The following FSHR variants were observed in gnomAD, a reference collection of about 807,000 sequenced individuals.
FSHR encodes the protein follicle-stimulating hormone receptor.
A neutral mutation model predicts 52.1 loss-of-function variants in FSHR; 46 were observed. The observed-to-expected ratio is 0.88, with a 90% CI of 0.70 to 1.13. The LOEUF is 1.13. Ranked by LOEUF, FSHR falls within the 50% of genes most tolerant of loss-of-function variation. The pLI is 0.00. For missense variants in FSHR, 964 were observed against 834.6 expected (o/e 1.16, Z -1.91); for synonymous variants, 399 against 309.6 (o/e 1.29, Z -3.03).
chr2:48,970,077 C>T (rs1295729817), intron 8 of FSHR, among the ~76,000 whole-genome samples: 1 of 152,184 alleles, frequency 6.6e-6, no homozygotes, highest in Non-Finnish European at 1.5e-5. Flanking sequence ...AAGCAGTAGG[C>T]ACTCAGAGTA....
chr2:49,030,369 C>T lies in FSHR; in HGVS notation c.225-10209G>A, dbSNP rs1195547600. ...CACCACAGAGCACCCCAAAACCTTC[C>T]TTAATAATTCTCTCTGGGTTCGATT... On this transcript the variant is annotated intron_variant, in intron 2 of 9. Transcript: ENST00000406846. 5.9e-5 allele frequency among the ~76,000 whole-genome samples: 9 copies of T among 151,578 alleles called. No homozygotes were observed. The East Asian group carries it at 1.6e-3, about 26-fold the overall frequency.
chr2:48,977,210 C>G (rs917030978), intron 8 of FSHR, among the ~76,000 whole-genome samples: 2 of 151,906 alleles, frequency 1.3e-5, no homozygotes, highest in Non-Finnish European at 2.9e-5. Flanking sequence ...AGAGAGAGGC[C>G]CAGAACATAA....
intron 1 of FSHR, among the ~76,000 whole-genome samples, chr2:49,081,516 A>G (rs1670168972): frequency 6.6e-6 from 1 of 152,200 alleles, no homozygotes; most frequent in Non-Finnish European, 1.5e-5. Context: ...AGCATCATTT[A>G]TTAACTCACT....
At chr2:48,978,712 G>A (rs1474417409) in intron 8 of FSHR, among the ~76,000 whole-genome samples, 1 of 152,192 alleles carries the variant, frequency 6.6e-6, no homozygotes, top group Non-Finnish European at 1.5e-5. Flanking sequence ...GGGAAATGAG[G>A]ATGCTGAGCT....
chr2:49,046,879 A>G (rs551323786), intron 2 of FSHR, among the ~76,000 whole-genome samples: 2 of 152,354 alleles, frequency 1.3e-5, no homozygotes, highest in Admixed American at 6.5e-5. Flanking sequence ...ACTCAGCCCA[A>G]GGAAGCTCAT....
intron 1 of FSHR, among the ~76,000 whole-genome samples, chr2:49,094,853 G>A (rs752693803): frequency 2.0e-5 from 3 of 151,902 alleles, no homozygotes; most frequent in South Asian, 2.1e-4. Flanking sequence ...AAACCAAAAG[G>A]TGGTTCTTTA....
chr2:49,001,831 T>A (rs1245145857), intron 4 of FSHR, among the ~76,000 whole-genome samples: 1 of 152,098 alleles, frequency 6.6e-6, no homozygotes, highest in Non-Finnish European at 1.5e-5. Flanking sequence ...TGGGTTGGAG[T>A]CTGACATTCC....
intron 1 of FSHR, among the ~76,000 whole-genome samples, chr2:49,119,681 C>A (rs1441185678): frequency 3.3e-5 from 5 of 152,108 alleles, no homozygotes; most frequent in African/African-American, 1.2e-4. Flanking sequence ...ACATATATCA[C>A]CCTTGGACAC....
intron 2 of FSHR, among the ~76,000 whole-genome samples, chr2:49,021,886 T>TATAGAGAGAGAG (rs1273265515): frequency 5.6e-4 from 14 of 25,120 alleles, no homozygotes; most frequent in Non-Finnish European, 6.6e-4. Flanking sequence ...TATATATATA[T>TATAGAGAGAGAG]AGAGAGAGAG....
At chr2:49,106,926 G>C (rs1671244401) in intron 1 of FSHR, among the ~76,000 whole-genome samples, 1 of 152,144 alleles carries the variant, frequency 6.6e-6, no homozygotes. Context: ...TGACCATAAT[G>C]AGCCATACCT....
At chr2:49,108,236 C>T (rs961417472) in intron 1 of FSHR, among the ~76,000 whole-genome samples, 1 of 152,164 alleles carries the variant, frequency 6.6e-6, no homozygotes, top group Non-Finnish European at 1.5e-5. Flanking sequence ...CTCAGGTCTT[C>T]AGATTCAAAC....
intron 2 of FSHR, among the ~76,000 whole-genome samples, chr2:49,025,327 C>G (rs993497536): frequency 3.9e-5 from 6 of 152,168 alleles, no homozygotes; most frequent in Non-Finnish European, 7.3e-5. Context: ...TCAATCATCT[C>G]TAACTCAGTG....
chr2:49,075,465 T>A (rs1669916349), intron 1 of FSHR, among the ~76,000 whole-genome samples: 1 of 152,122 alleles, frequency 6.6e-6, no homozygotes. Context: ...CAGCAAAAGC[T>A]AATTCTTTGG....
At chr2:49,104,758 TAG>T in intron 1 of FSHR, among the ~76,000 whole-genome samples, 1 of 149,892 alleles carries the variant, frequency 6.7e-6, no homozygotes, top group Non-Finnish European at 1.5e-5. Context: ...TACAGCAGGG[TAG>T]AGAGAGAAGG....
In FSHR at chr2:48,962,639, A is replaced by C; in HGVS notation, c.*94T>G. 1 of 1,262,792 alleles carries C rather than the reference A, an allele frequency of 7.9e-7. No homozygotes were observed. The highest frequency in any genetic ancestry group is 2.2e-4 in the Middle Eastern group (1 of 4,474). The allele number at this position is 1,262,792 out of a possible 1,614,324, so 78.2% of individuals were successfully genotyped here. A position where few individuals can be genotyped will look rare whatever the true frequency, so the allele number is the denominator to read the frequency against. On this transcript the variant is annotated 3_prime_UTR_variant, in exon 10 of 10. Coordinates refer to ENST00000406846, the MANE Select transcript of FSHR (RefSeq NM_000145.4). Reference sequence around the variant, plus strand: ...ATGCCAGGAATATTAAATTAGATGAAATGTGTAGAAGCACTGTCAGCTCTT... The same window carrying C: ...ATGCCAGGAATATTAAATTAGATGACATGTGTAGAAGCACTGTCAGCTCTT...
chr2:48,967,492 T>C (rs1674530291), intron 9 of FSHR, among the ~76,000 whole-genome samples: 1 of 152,192 alleles, frequency 6.6e-6, no homozygotes. Context: ...GAATAATTCT[T>C]ATCTGGAATA....
intron 8 of FSHR, among the ~76,000 whole-genome samples, chr2:48,973,790 CAG>C (rs1394444179): frequency 1.3e-5 from 2 of 152,074 alleles, no homozygotes; most frequent in Admixed American, 6.5e-5. Flanking sequence ...AGGAAATAGA[CAG>C]ATCACCCCAG....
chr2:49,037,263 A>C (rs950860969), intron 2 of FSHR, among the ~76,000 whole-genome samples: 1 of 152,266 alleles, frequency 6.6e-6, no homozygotes, highest in Non-Finnish European at 1.5e-5. Context: ...CACTAGGCAC[A>C]GTGACCTCAA....
At chr2:49,146,470 T>C (rs1672874916) in intron 1 of FSHR, among the ~76,000 whole-genome samples, 2 of 152,032 alleles carry the variant, frequency 1.3e-5, no homozygotes, top group Non-Finnish European at 2.9e-5. Context: ...CATAAATTCT[T>C]TGTTTAAAAC....
Sources: gnomAD v4.1 joint callset for allele counts (sites outside exome capture counted in the v4.1 genomes callset) on GRCh38, gnomAD v4.1.1 for gene constraint, MANE v1.5 for transcripts, NCBI Gene and HGNC (gene_info 2026-07-23, HGNC 2026-07-21) for gene names.